AKAP13: variants seen among roughly 807,000 people sequenced by gnomAD.
The protein encoded by AKAP13 is A-kinase anchoring protein 13.
A neutral mutation model predicts 264.5 loss-of-function variants in AKAP13; 80 were observed. The ratio of observed to expected loss-of-function variants is 0.30; its 90% CI spans 0.25 to 0.36. The LOEUF is 0.36. Ranked by LOEUF, AKAP13 falls within the 10% of genes least tolerant of loss-of-function variation. AKAP13 has a pLI of 1.00. For synonymous variants in AKAP13, 1,380 were observed against 1,250.2 expected, an observed-to-expected ratio of 1.10 and a Z score of -2.19; for missense variants, 3,712 against 3,435.2, an observed-to-expected ratio of 1.08 and a Z score of -2.01.
chr15:85,533,779 C>T lies in AKAP13; in HGVS notation c.377C>T (p.Ser126Phe). ...TTTCTTGACCAGTCAGGACCCCCAT[C>T]TGGGGATGTGAATTCCCTTGATAAG... is the stretch of plus-strand genomic sequence containing the variant. ...TRFLDQSGPPSGDVNSLDKKL... is the reference protein window; with the variant it reads ...TRFLDQSGPPFGDVNSLDKKL... Residue 126 changes from serine (S) to phenylalanine (F), a missense_variant, in exon 4 of 37, where the codon TCT becomes TTT. Ser to Phe is a radical substitution (Grantham distance 155). Coordinates refer to ENST00000394518, the MANE Select transcript of AKAP13 (RefSeq NM_007200.5). The T allele has an allele frequency of 6.2e-7, 1 of 1,613,900 alleles. No individual in the cohort carries two copies. Among genetic ancestry groups the T allele is most frequent in the Non-Finnish European group, 8.5e-7 (1 of 1,179,928 alleles).
Position 85,710,619 on chromosome 15 carries a change from T to C in AKAP13, c.5573T>C (p.Leu1858Pro), listed in dbSNP as rs1273462690. 5 of 1,613,878 alleles carry C rather than the reference T, an allele frequency of 3.1e-6. No homozygotes were observed. Among genetic ancestry groups the C allele is most frequent in the Non-Finnish European group, 4.2e-6 (5 of 1,179,926 alleles). Residue 1858 changes from leucine (L) to proline (P), a missense_variant, in exon 19 of 37, where the codon CTG (leucine) becomes CCG (proline). Around this residue, in one of 3 missense-constraint regions of AKAP13, gnomAD observed 2,759 missense variants for 2,411.7 expected, o/e 1.14. Coordinates refer to ENST00000394518, the MANE Select transcript of AKAP13 (RefSeq NM_007200.5). ...CTTCAGGCACATGACACATCATCAC[T>C]GCCCACGGTCATTATGAGAAACAAG... ...GSLQAHDTSS[L>P]PTVIMRNKPS...
chr15:85,693,368 T>C lies in AKAP13; in HGVS notation c.5381T>C (p.Phe1794Ser). 1.9e-6 allele frequency: 3 copies of C among 1,614,020 alleles called. No individual in the cohort carries two copies. The highest frequency in any genetic ancestry group is 2.5e-6 in the Non-Finnish European group (3 of 1,179,982). ...KDKKTVNGHT[F>S]SSIPVVGPIS... ...AAGAAGACTGTCAACGGGCACACTT[T>C]CAGTTCCATTCCTGTTGTGGGTCCC... Residue 1794 changes from phenylalanine to serine, a missense_variant, in exon 17 of 37, where the codon TTC becomes TCC. Physicochemically the swap from Phe to Ser is radical, Grantham distance 155. Transcript: ENST00000394518.
intron 5 of AKAP13, among the ~76,000 whole-genome samples, chr15:85,559,709 G>T (rs571014331): frequency 7.7e-6 from 1 of 129,442 alleles, no homozygotes; most frequent in South Asian, 3.3e-4. Flanking sequence ...CCGTTGATCC[G>T]ACAGGAGGCG....
chr15:85,445,884 T>C (rs2073881412), intron 1 of AKAP13, among the ~76,000 whole-genome samples: 1 of 152,224 alleles, frequency 6.6e-6, no homozygotes, highest in African/African-American at 2.4e-5. Flanking sequence ...ACATGTGATA[T>C]TTAATACAAT....
chr15:85,708,056 T>G lies in AKAP13; in HGVS notation c.5502T>G (p.Ser1834Arg). The change falls in exon 18 of 37, where the codon AGT (serine) becomes AGG (arginine). Residue 1834 changes from serine (S) to arginine (R), a missense_variant. By Grantham distance (110) the Ser-to-Arg change is moderately radical. Transcript: ENST00000394518. This position sits in a 1 kb window ranked among gnomAD's most constrained non-coding sequence, Gnocchi z 4.3. ...SAFVHKGCRE[S>R]LASCAKVKMK... ...TTGTCCACAAAGGCTGCCGAGAAAG[T>G]CTAGCCTCCTGTGCAAAGGTCAAAA... The G allele has an allele frequency of 6.8e-6, 11 of 1,613,934 alleles. No individual in the cohort carries two copies. Among genetic ancestry groups the G allele is most frequent in the Non-Finnish European group, 9.3e-6 (11 of 1,179,868 alleles).
intron 1 of AKAP13, among the ~76,000 whole-genome samples, chr15:85,454,697 A>G (rs2074223721): frequency 1.3e-5 from 2 of 152,118 alleles, no homozygotes; most frequent in South Asian, 4.2e-4. Flanking sequence ...TAACTTACCC[A>G]TTTAAAGTGT....
At chr15:85,495,641 C>T (rs1476763176) in intron 2 of AKAP13, among the ~76,000 whole-genome samples, 2 of 152,050 alleles carry the variant, frequency 1.3e-5, no homozygotes, top group Non-Finnish European at 2.9e-5. Flanking sequence ...CCAAGGCATG[C>T]TCGAAGGTAA....
At chr15:85,445,471 A>G (rs1156273607) in intron 1 of AKAP13, among the ~76,000 whole-genome samples, 3 of 152,202 alleles carry the variant, frequency 2.0e-5, no homozygotes, top group Non-Finnish European at 4.4e-5. Context: ...TAGGCAGGAA[A>G]TTTAGTTATT....
intron 4 of AKAP13, chr15:85,535,661 T>C (rs1048733020): frequency 5.3e-5 from 8 of 152,212 alleles, no homozygotes; most frequent in African/African-American, 1.9e-4. Context: ...GTGGGGCTTA[T>C]GGTGTTTTAT....
intron 8 of AKAP13, among the ~76,000 whole-genome samples, chr15:85,614,432 C>A (rs1258947476): frequency 6.6e-6 from 1 of 152,062 alleles, no homozygotes; most frequent in Non-Finnish European, 1.5e-5. Context: ...TAAGATATTA[C>A]TATAGAGAGA....
intron 1 of AKAP13, among the ~76,000 whole-genome samples, chr15:85,437,879 T>C (rs2073392973): frequency 6.6e-6 from 1 of 150,970 alleles, no homozygotes; most frequent in African/African-American, 2.4e-5. Flanking sequence ...GGGCAAAAAC[T>C]GGAAGCATTC....
intron 33 of AKAP13, among the ~76,000 whole-genome samples, chr15:85,737,782 C>A (rs2088649743): frequency 1.3e-5 from 2 of 152,088 alleles, no homozygotes; most frequent in Admixed American, 1.3e-4. Context: ...GGACTACAGG[C>A]CCGCACTACC....
intron 5 of AKAP13, among the ~76,000 whole-genome samples, chr15:85,571,792 C>T (rs1352858270): frequency 2.0e-5 from 3 of 152,300 alleles, no homozygotes; most frequent in South Asian, 2.1e-4. Context: ...CTTACCCAGA[C>T]CTGTAGGCGA....
At chr15:85,381,367 C>T (rs1255539727) in intron 1 of AKAP13, among the ~76,000 whole-genome samples, 2 of 151,920 alleles carry the variant, frequency 1.3e-5, no homozygotes, top group African/African-American at 4.8e-5. Context: ...GGGTGCGGCC[C>T]AGCTGACCCG....
chr15:85,459,432 C>G (rs2074418883), intron 1 of AKAP13, among the ~76,000 whole-genome samples: 1 of 148,136 alleles, frequency 6.8e-6, no homozygotes, highest in Non-Finnish European at 1.5e-5. Context: ...TGCCTCACCT[C>G]AAGTGATCTG....
intron 1 of AKAP13, among the ~76,000 whole-genome samples, chr15:85,444,366 A>G (rs1234169773): frequency 1.3e-5 from 2 of 152,172 alleles, no homozygotes; most frequent in Non-Finnish European, 2.9e-5. Flanking sequence ...GTACATTTGG[A>G]CTAGTGAACT....
chr15:85,437,865 G>A (rs1045496251), intron 1 of AKAP13, among the ~76,000 whole-genome samples: 2 of 151,568 alleles, frequency 1.3e-5, no homozygotes, highest in African/African-American at 4.8e-5. Flanking sequence ...ATATCATACT[G>A]AATGGGCAAA....
At chr15:85,589,666 C>T (rs1204021120) in intron 8 of AKAP13, among the ~76,000 whole-genome samples, 1 of 144,020 alleles carries the variant, frequency 6.9e-6, no homozygotes, top group African/African-American at 2.6e-5. Flanking sequence ...GCCGAGATCG[C>T]ACCACTGCAC....
chr15:85,600,835 A>G (rs2080027931), intron 8 of AKAP13, among the ~76,000 whole-genome samples: 1 of 152,172 alleles, frequency 6.6e-6, no homozygotes, highest in African/African-American at 2.4e-5. Context: ...ATTCCTTAGC[A>G]TTGTGTCTGT....
Sources: gnomAD v4.1 joint callset for allele counts (sites outside exome capture counted in the v4.1 genomes callset) on GRCh38, gnomAD v4.1.1 for gene constraint, gnomAD v4.1.1 regional missense constraint, Gnocchi (gnomAD v3.1) non-coding constraint, MANE v1.5 for transcripts, NCBI Gene and HGNC (gene_info 2026-07-23, HGNC 2026-07-21) for gene names.